The following EPB41L1 variants were observed in gnomAD, a reference collection of about 807,000 sequenced individuals.
EPB41L1 encodes the protein band 4.1-like protein 1.
In EPB41L1, 29 loss-of-function variants were observed where a neutral mutation model predicts 97.8. The observed-to-expected ratio is 0.30, with a 90% CI of 0.22 to 0.40. The LOEUF (loss-of-function observed/expected upper bound fraction) is 0.40, where lower values mean the gene tolerates loss of function less well. EPB41L1 is among the 10% of genes least tolerant of loss of function. The probability of loss-of-function intolerance (pLI) is 1.00; values close to 1 mark genes in which losing one functional copy is unlikely to be tolerated. For synonymous variants in EPB41L1, 383 were observed against 459.2 expected, an observed-to-expected ratio of 0.83 and a Z score of 2.12; for missense variants, 812 against 1,162.3, an observed-to-expected ratio of 0.70 and a Z score of 4.38.
chr20:36,095,523 G>A (rs1258640852), intron 1 of EPB41L1, among the ~76,000 whole-genome samples: 2 of 152,190 alleles, frequency 1.3e-5, no homozygotes, highest in Non-Finnish European at 2.9e-5. Context: ...TGGTTTACCT[G>A]GCTAGGCAGC....
intron 17 of EPB41L1, among the ~76,000 whole-genome samples, chr20:36,215,502 T>G (rs1480546949): frequency 6.6e-6 from 1 of 152,212 alleles, no homozygotes; most frequent in Non-Finnish European, 1.5e-5. Context: ...TCCATCAATC[T>G]AGACTAGCCA....
At chr20:36,204,090 T>A (rs1236990046) in intron 14 of EPB41L1, among the ~76,000 whole-genome samples, 1 of 152,164 alleles carries the variant, frequency 6.6e-6, no homozygotes, top group East Asian at 1.9e-4. Context: ...TTCACAGAAC[T>A]TGGCGTCAGA....
intron 2 of EPB41L1, among the ~76,000 whole-genome samples, chr20:36,144,732 T>C (rs1288453726): frequency 6.6e-6 from 1 of 152,272 alleles, no homozygotes; most frequent in East Asian, 1.9e-4. Flanking sequence ...GCTGTCTCAT[T>C]GTATATGGGA....
chr20:36,181,096 T>C (rs2061453596), intron 5 of EPB41L1, among the ~76,000 whole-genome samples: 1 of 152,160 alleles, frequency 6.6e-6, no homozygotes, highest in Admixed American at 6.5e-5. Context: ...AGATGTGACA[T>C]CTGTATGGTG....
intron 1 of EPB41L1, among the ~76,000 whole-genome samples, chr20:36,169,807 C>A (rs1395712141): frequency 6.6e-6 from 1 of 152,234 alleles, no homozygotes; most frequent in African/African-American, 2.4e-5. Context: ...TCACCAGGTC[C>A]CCAGACTCTG....
intron 1 of EPB41L1, among the ~76,000 whole-genome samples, chr20:36,101,069 A>G (rs1322868290): frequency 6.6e-6 from 1 of 152,186 alleles, no homozygotes; most frequent in African/African-American, 2.4e-5. Context: ...TCTTCCACTT[A>G]AAGAAGCATA....
At chr20:36,106,751 C>T (rs937878787) in intron 1 of EPB41L1, among the ~76,000 whole-genome samples, 1 of 152,250 alleles carries the variant, frequency 6.6e-6, no homozygotes, top group African/African-American at 2.4e-5. Flanking sequence ...GACTGCAGAG[C>T]TGCAGCTGCC....
intron 17 of EPB41L1, among the ~76,000 whole-genome samples, chr20:36,217,369 C>T (rs772057467): frequency 6.6e-6 from 1 of 152,062 alleles, no homozygotes; most frequent in Non-Finnish European, 1.5e-5. Flanking sequence ...GTGAGGAGAG[C>T]CTGAATGTGG....
In EPB41L1 at chr20:36,194,256, G is replaced by C. The variant is rs2062086730; in HGVS notation, c.1345G>C (p.Gly449Arg). 5 of 1,614,198 alleles carry C rather than the reference G, an allele frequency of 3.1e-6. No homozygotes were observed. Among genetic ancestry groups the C allele is most frequent in the Non-Finnish European group, 3.4e-6 (4 of 1,180,044 alleles). Residue 449 changes from glycine to arginine, a missense_variant, in exon 12 of 22, where the codon GGG becomes CGG. Coordinates refer to ENST00000338074, the MANE Select transcript of EPB41L1 (RefSeq NM_012156.2). ...CTCGGTCAGCGAGAACCATGATGCA[G>C]GGCCTGACGGTGACAAGCGGGATGA... ...PASVSENHDA[G>R]PDGDKRDEDG... is the part of the protein sequence containing the mutation.
In EPB41L1 at chr20:36,219,794, G is replaced by A. The variant is rs746621229; in HGVS notation, c.2389G>A (p.Gly797Ser). The A allele has an allele frequency of 8.7e-6, 14 of 1,613,982 alleles. No individual in the cohort carries two copies. Among genetic ancestry groups the A allele is most frequent in the African/African-American group, 1.3e-5 (1 of 74,906 alleles). The change falls in exon 19 of 22, where the codon GGC (glycine) becomes AGC (serine). Residue 797 changes from glycine to serine, a missense_variant. Gly to Ser is a moderately conservative substitution (Grantham distance 56). Coordinates refer to ENST00000338074, the MANE Select transcript of EPB41L1 (RefSeq NM_012156.2). ...GAAAGATGTCCTCACCAGCACCTAC[G>A]GCGCCACTGCGGAAACCCTCTCAAC... ...IGKDVLTSTY[G>S]ATAETLSTST...
At chr20:36,109,958 T>C (rs2058334157) in intron 1 of EPB41L1, 2 of 151,554 alleles carry the variant, frequency 1.3e-5, no homozygotes, top group African/African-American at 4.9e-5. Flanking sequence ...TTTTTTTTCT[T>C]GAGACGGAGT....
intron 2 of EPB41L1, among the ~76,000 whole-genome samples, chr20:36,134,258 G>A (rs998422172): frequency 2.0e-5 from 3 of 152,182 alleles, no homozygotes; most frequent in African/African-American, 4.8e-5. Context: ...AAGAAATAGC[G>A]ATGGTGAAAT....
intron 1 of EPB41L1, among the ~76,000 whole-genome samples, chr20:36,157,846 G>A (rs1249850189): frequency 6.6e-6 from 1 of 152,226 alleles, no homozygotes; most frequent in East Asian, 1.9e-4. Flanking sequence ...GTGGGGACTG[G>A]GCTAAGGAGG....
chr20:36,210,493 GC>G (rs967975358), intron 15 of EPB41L1, among the ~76,000 whole-genome samples: 2 of 151,934 alleles, frequency 1.3e-5, no homozygotes, highest in Non-Finnish European at 2.9e-5. Context: ...TCATTCCTTT[GC>G]CCCCTCATCT....
intron 1 of EPB41L1, among the ~76,000 whole-genome samples, chr20:36,158,469 C>T (rs2060402462): frequency 6.6e-6 from 1 of 152,114 alleles, no homozygotes; most frequent in South Asian, 2.1e-4. Context: ...GGAAGGGCAC[C>T]CACTTCCCCA....
chr20:36,188,578 GCCA>G, intron 9 of EPB41L1, 79 bp downstream of exon 9: 2 of 740,154 alleles, frequency 2.7e-6, no homozygotes, highest in Non-Finnish European at 2.0e-6. Context: ...GGCCTGGACT[GCCA>G]ACACACACAC....
At chr20:36,185,927 A>G (rs2061666129) in intron 7 of EPB41L1, among the ~76,000 whole-genome samples, 1 of 152,198 alleles carries the variant, frequency 6.6e-6, no homozygotes, top group Admixed American at 6.5e-5. Flanking sequence ...ACAGTTGATC[A>G]TGCAGGGGAA....
At chr20:36,134,752 G>A (rs916147684) in intron 2 of EPB41L1, among the ~76,000 whole-genome samples, 2 of 151,970 alleles carry the variant, frequency 1.3e-5, no homozygotes, top group African/African-American at 2.4e-5. Flanking sequence ...GGCTGCATTG[G>A]TCTCAGGTAG....
chr20:36,195,490 C>T lies in EPB41L1; in HGVS notation c.1485+126C>T. On this transcript the variant is annotated intron_variant, in intron 13 of 21. Transcript: ENST00000338074. The surrounding 1 kb of genome is among the most constrained non-coding windows in gnomAD (Gnocchi z 4.6). ...CTCAGCTTCAACTTCATCTCTGCTC[C>T]CCAGCCATCCCCCTCTGCAGCCGTC... is the stretch of plus-strand genomic sequence containing the variant. 9.1e-7 allele frequency: 1 copy of T among 1,096,588 alleles called. No individual in the cohort carries two copies. The highest frequency in any genetic ancestry group is 2.5e-5 in the East Asian group (1 of 39,906). 67.9% of individuals were successfully genotyped at this position (1,096,588 alleles called of 1,614,324 possible).
Sources: gnomAD v4.1 joint callset for allele counts (sites outside exome capture counted in the v4.1 genomes callset) on GRCh38, gnomAD v4.1.1 for gene constraint, Gnocchi (gnomAD v3.1) non-coding constraint, MANE v1.5 for transcripts, NCBI Gene and HGNC (gene_info 2026-07-23, HGNC 2026-07-21) for gene names.